COL22A1: variants seen among roughly 807,000 people sequenced by gnomAD.
COL22A1 encodes the protein collagen alpha-1(XXII) chain.
In COL22A1, 221 loss-of-function variants were observed where a neutral mutation model predicts 248.9. The ratio of observed to expected loss-of-function variants is 0.89; its 90% CI spans 0.80 to 0.99. The LOEUF is 0.99. Ranked by LOEUF, COL22A1 falls within the 50% of genes least tolerant of loss-of-function variation. COL22A1 has a pLI of 0.00. For missense variants in COL22A1, 2,240 were observed against 2,179.0 expected, an observed-to-expected ratio of 1.03 and a Z score of -0.56; for synonymous variants, 891 against 793.4, an observed-to-expected ratio of 1.12 and a Z score of -2.07.
At chr8:138,903,437 T>C (rs1814767693) in intron 1 of COL22A1, among the ~76,000 whole-genome samples, 1 of 152,198 alleles carries the variant, frequency 6.6e-6, no homozygotes, top group Admixed American at 6.5e-5. Flanking sequence ...AACATGCTCA[T>C]ACATTTTAAA....
chr8:138,668,118 A>C (rs1467555074), intron 41 of COL22A1, among the ~76,000 whole-genome samples: 1 of 152,206 alleles, frequency 6.6e-6, no homozygotes. Context: ...TTTAACACTG[A>C]CTAGATATTT....
chr8:138,689,070 T>A (rs931895366), intron 36 of COL22A1, 100 bp from the exon 37 acceptor site: 9 of 915,716 alleles, frequency 9.8e-6, no homozygotes, highest in Non-Finnish European at 3.6e-6. Context: ...CCCCCTGAAG[T>A]CAACGACTAC....
chr8:138,783,498 T>A (rs1815228919), intron 12 of COL22A1, among the ~76,000 whole-genome samples: 1 of 152,180 alleles, frequency 6.6e-6, no homozygotes, highest in Admixed American at 6.5e-5. Flanking sequence ...TCCTTCCACA[T>A]TTTTCTGCCT....
intron 53 of COL22A1, among the ~76,000 whole-genome samples, chr8:138,618,639 G>T (rs544622692): frequency 6.6e-6 from 1 of 152,216 alleles, no homozygotes; most frequent in South Asian, 2.1e-4. Context: ...TATTGAATAC[G>T]AGCCAGGAGG....
chr8:138,635,096 G>T (rs1157758794), intron 48 of COL22A1, 33 bp from the exon 49 acceptor site: 3 of 1,545,226 alleles, frequency 1.9e-6, no homozygotes, highest in Non-Finnish European at 2.6e-6. Flanking sequence ...TCTTTAAAAT[G>T]ACTTGAAAAA....
chr8:138,801,245 C>T (rs1816972765), intron 11 of COL22A1, among the ~76,000 whole-genome samples: 1 of 152,178 alleles, frequency 6.6e-6, no homozygotes, highest in East Asian at 1.9e-4. Context: ...CACATCCAGC[C>T]TCTATGACTG....
intron 47 of COL22A1, among the ~76,000 whole-genome samples, chr8:138,645,445 A>G (rs1367207858): frequency 6.6e-6 from 1 of 152,186 alleles, no homozygotes; most frequent in Non-Finnish European, 1.5e-5. Context: ...TTTCTTTTGC[A>G]ATAAATTACT....
At chr8:138,860,223 A>C (rs73368837) in intron 3 of COL22A1, among the ~76,000 whole-genome samples, 5,260 of 151,888 alleles carry the variant, frequency 0.035, 290 homozygotes, top group African/African-American at 0.12. Flanking sequence ...CTCTCTTTTC[A>C]CTTCTTTAAC....
chr8:138,772,702 C>T (rs1182249173), intron 16 of COL22A1, among the ~76,000 whole-genome samples: 1 of 152,076 alleles, frequency 6.6e-6, no homozygotes, highest in Non-Finnish European at 1.5e-5. Context: ...ATACTTAAAA[C>T]ATAGTTTTAT....
intron 49 of COL22A1, among the ~76,000 whole-genome samples, chr8:138,631,773 C>A (rs1204322759): frequency 1.3e-5 from 2 of 152,098 alleles, no homozygotes; most frequent in African/African-American, 4.8e-5. Flanking sequence ...CTACCAGACC[C>A]AAAACTGAAA....
chr8:138,785,641 A>T (rs1248770503), intron 12 of COL22A1, among the ~76,000 whole-genome samples: 1 of 152,046 alleles, frequency 6.6e-6, no homozygotes, highest in Non-Finnish European at 1.5e-5. Context: ...TCTTGATGGG[A>T]TGGGCTCCTT....
chr8:138,684,920 C>T (rs1367921560), intron 38 of COL22A1, among the ~76,000 whole-genome samples: 1 of 152,190 alleles, frequency 6.6e-6, no homozygotes, highest in East Asian at 1.9e-4. Context: ...CACACTTGTC[C>T]TGAGCTGTGG....
At chr8:138,856,351 G>A (rs556643725) in intron 3 of COL22A1, among the ~76,000 whole-genome samples, 3 of 152,296 alleles carry the variant, frequency 2.0e-5, no homozygotes, top group East Asian at 1.9e-4. Context: ...GCATTTGGGC[G>A]TTTCTGCAGT....
At chr8:138,865,389 T>G (rs953767595) in intron 3 of COL22A1, among the ~76,000 whole-genome samples, 2 of 152,078 alleles carry the variant, frequency 1.3e-5, no homozygotes, top group Admixed American at 1.3e-4. Context: ...TGTGTGTGAG[T>G]GTATGTGTGT....
At chr8:138,865,717 GTA>G (rs146753393) in intron 3 of COL22A1, among the ~76,000 whole-genome samples, 12,203 of 150,172 alleles carry the variant, frequency 0.081, 657 homozygotes, top group African/African-American at 0.16. Context: ...GTGTATGAGT[GTA>G]TGTGTGTGTG....
intron 52 of COL22A1, among the ~76,000 whole-genome samples, chr8:138,621,748 G>A (rs1819819446): frequency 6.6e-6 from 1 of 152,160 alleles, no homozygotes; most frequent in Admixed American, 6.5e-5. Flanking sequence ...TTCTTCTGGG[G>A]ACTACAGTGG....
intron 30 of COL22A1, among the ~76,000 whole-genome samples, chr8:138,710,813 T>C (rs959463484): frequency 6.6e-5 from 10 of 152,126 alleles, no homozygotes; most frequent in Non-Finnish European, 5.9e-5. Flanking sequence ...TGTGTATTAT[T>C]TGATTTTACC....
chr8:138,743,032 G>T (rs575564747), intron 22 of COL22A1, among the ~76,000 whole-genome samples: 3 of 151,496 alleles, frequency 2.0e-5, no homozygotes, highest in Non-Finnish European at 2.9e-5. Flanking sequence ...TAGTAGAGTT[G>T]ATGAGGGTGA....
At chr8:138,636,532 A>AAAGGC (rs770478860) in intron 48 of COL22A1, among the ~76,000 whole-genome samples, 4,018 of 82,286 alleles carry the variant, frequency 0.049, 329 homozygotes, top group East Asian at 0.17. Flanking sequence ...AAAGGAAAGG[A>AAAGGC]AAGGCAGGGA....
Sources: allele counts gnomAD v4.1 joint callset (sites outside exome capture counted in the v4.1 genomes callset), GRCh38; gene constraint gnomAD v4.1.1; transcripts MANE v1.5; gene names NCBI Gene and HGNC (gene_info 2026-07-23, HGNC 2026-07-21).